Variants in IMMP2L observed in about 807,000 individuals in gnomAD.
IMMP2L encodes mitochondrial inner membrane protease subunit 2.
IMMP2L carries 18 observed loss-of-function variants against 19.3 expected under a neutral mutation model. The observed-to-expected ratio is 0.93, with a 90% CI of 0.64 to 1.38. The LOEUF (loss-of-function observed/expected upper bound fraction) is 1.38. IMMP2L is among the 40% of genes most tolerant of loss of function. The probability of loss-of-function intolerance (pLI) is 0.00; values close to 1 mark genes in which losing one functional copy is unlikely to be tolerated. For missense variants in IMMP2L, 233 were observed against 218.2 expected (o/e 1.07, Z -0.43); for synonymous variants, 76 against 73.0 (o/e 1.04, Z -0.21).
chr7:110,927,822 T>C (rs2129551282), intron 4 of IMMP2L, among the ~76,000 whole-genome samples: 1 of 152,242 alleles, frequency 6.6e-6, no homozygotes, highest in Non-Finnish European at 1.5e-5. Context: ...AATAGAAAAC[T>C]ATATACCCTT....
intron 2 of IMMP2L, among the ~76,000 whole-genome samples, chr7:111,493,546 C>CAA (rs567098579): frequency 6.9e-6 from 1 of 145,464 alleles, no homozygotes; most frequent in African/African-American, 2.5e-5. Flanking sequence ...ACCAAAAATG[C>CAA]AAAAAAAAAT....
At chr7:110,790,042 T>C (rs1196691940) in intron 5 of IMMP2L, among the ~76,000 whole-genome samples, 2 of 151,728 alleles carry the variant, frequency 1.3e-5, no homozygotes, top group Non-Finnish European at 2.9e-5. Context: ...GTCATCCTCC[T>C]GTAGGATGAA....
At chr7:110,799,811 TG>T (rs1475962297) in intron 5 of IMMP2L, among the ~76,000 whole-genome samples, 2 of 152,096 alleles carry the variant, frequency 1.3e-5, no homozygotes, top group African/African-American at 2.4e-5. Context: ...TGGTTTTGTC[TG>T]AATTACGAAT....
chr7:111,402,654 A>G lies in IMMP2L; in HGVS notation c.239+84584T>C, dbSNP rs191988137. Reference sequence around the variant, plus strand: ...TGAATTACCAGGAGGCAGAGGTTACAGTGAGCCAAGATCGCACCACTGCAA... The same window carrying G: ...TGAATTACCAGGAGGCAGAGGTTACGGTGAGCCAAGATCGCACCACTGCAA... On this transcript the variant is annotated intron_variant, in intron 3 of 5. Coordinates refer to ENST00000405709, the MANE Select transcript of IMMP2L (RefSeq NM_032549.4). Among the ~76,000 whole-genome samples, 250 of 152,206 alleles carry G rather than the reference A, an allele frequency of 1.6e-3. 1 individual carries two copies. The highest frequency in any genetic ancestry group is 6.8e-3 in the Middle Eastern group (2 of 294).
intron 1 of IMMP2L, among the ~76,000 whole-genome samples, chr7:111,521,785 CT>C (rs1846356722): frequency 6.6e-6 from 1 of 152,092 alleles, no homozygotes; most frequent in Non-Finnish European, 1.5e-5. Context: ...CCTTATACCC[CT>C]GATATCTGTT....
At chr7:110,747,909 A>C (rs556061241) in intron 5 of IMMP2L, among the ~76,000 whole-genome samples, 19 of 152,332 alleles carry the variant, frequency 1.2e-4, no homozygotes, top group African/African-American at 4.3e-4. Flanking sequence ...GCAATCAGGC[A>C]AGAGAAAGAA....
intron 3 of IMMP2L, among the ~76,000 whole-genome samples, chr7:111,306,850 G>C (rs928594368): frequency 6.6e-6 from 1 of 151,716 alleles, no homozygotes; most frequent in African/African-American, 2.4e-5. Flanking sequence ...CAGCAAATGG[G>C]GGAGGCAGGG....
chr7:110,682,937 T>C (rs1188116118), intron 5 of IMMP2L, among the ~76,000 whole-genome samples: 1 of 152,060 alleles, frequency 6.6e-6, no homozygotes, highest in Non-Finnish European at 1.5e-5. Context: ...ATAAACTTGC[T>C]TGAGTAACAC....
intron 3 of IMMP2L, among the ~76,000 whole-genome samples, chr7:111,223,874 A>T (rs967759338): frequency 2.6e-5 from 4 of 152,180 alleles, no homozygotes; most frequent in Non-Finnish European, 5.9e-5. Context: ...TTCTTCAGTT[A>T]CACAATATTT....
chr7:110,784,371 C>T (rs573608194), intron 5 of IMMP2L, among the ~76,000 whole-genome samples: 3 of 152,006 alleles, frequency 2.0e-5, no homozygotes, highest in Admixed American at 2.0e-4. Context: ...CTGAACAGCA[C>T]CTCCTCCCCT....
At chr7:110,843,495 A>G (rs1359644062) in intron 5 of IMMP2L, among the ~76,000 whole-genome samples, 1 of 152,088 alleles carries the variant, frequency 6.6e-6, no homozygotes, top group Non-Finnish European at 1.5e-5. Context: ...AAATATCCAA[A>G]GGTATTTGGA....
intron 5 of IMMP2L, among the ~76,000 whole-genome samples, chr7:110,786,696 C>A (rs1212223445): frequency 6.6e-6 from 1 of 152,000 alleles, no homozygotes; most frequent in Non-Finnish European, 1.5e-5. Context: ...TAATGAGATT[C>A]ATTGCAGGGA....
intron 3 of IMMP2L, among the ~76,000 whole-genome samples, chr7:111,158,996 T>C (rs769253767): frequency 7.2e-5 from 11 of 152,208 alleles, no homozygotes; most frequent in Non-Finnish European, 1.3e-4. Flanking sequence ...CCAAATGTCA[T>C]AATGTACCTT....
chr7:111,444,954 T>A (rs1450962559), intron 3 of IMMP2L, among the ~76,000 whole-genome samples: 2 of 152,106 alleles, frequency 1.3e-5, no homozygotes, highest in African/African-American at 4.8e-5. Flanking sequence ...GTTTTTCTTG[T>A]AACAGTTATA....
chr7:110,833,205 G>A (rs1804123792), intron 5 of IMMP2L, among the ~76,000 whole-genome samples: 1 of 152,126 alleles, frequency 6.6e-6, no homozygotes, highest in African/African-American at 2.4e-5. Flanking sequence ...TTGGGAGGCT[G>A]AGGCAGGCAG....
intron 1 of IMMP2L, among the ~76,000 whole-genome samples, chr7:111,556,015 C>T (rs58439867): frequency 0.26 from 3,398 of 12,824 alleles, 191 homozygotes; most frequent in South Asian, 0.44. Flanking sequence ...CTTCTGTGTG[C>T]ATGTATATAT....
intron 3 of IMMP2L, among the ~76,000 whole-genome samples, chr7:111,450,965 A>T (rs1839094229): frequency 6.6e-6 from 1 of 151,650 alleles, no homozygotes; most frequent in Non-Finnish European, 1.5e-5. Flanking sequence ...AAAAATGCTC[A>T]TCATCACTGG....
intron 3 of IMMP2L, among the ~76,000 whole-genome samples, chr7:111,358,611 A>T (rs1014907156): frequency 5.9e-5 from 9 of 152,132 alleles, no homozygotes; most frequent in African/African-American, 2.2e-4. Flanking sequence ...AGTTGCACTG[A>T]AAGGCTCCCT....
chr7:110,940,264 A>G (rs1816588909), intron 4 of IMMP2L, among the ~76,000 whole-genome samples: 1 of 151,658 alleles, frequency 6.6e-6, no homozygotes, highest in Admixed American at 6.6e-5. Flanking sequence ...GCTTGCAGTG[A>G]GCCAAGATTG....
Sources: gnomAD v4.1 joint callset for allele counts (sites outside exome capture counted in the v4.1 genomes callset) on GRCh38, gnomAD v4.1.1 for gene constraint, MANE v1.5 for transcripts, NCBI Gene and HGNC (gene_info 2026-07-23, HGNC 2026-07-21) for gene names.